SESTD1: variants seen among roughly 807,000 people sequenced by gnomAD.
SESTD1 encodes SEC14 domain and spectrin repeat-containing protein 1.
SESTD1 carries 43 observed loss-of-function variants against 101.7 expected under a neutral mutation model. That is an observed-to-expected ratio of 0.42 (90% CI 0.33 to 0.55). SESTD1 has a LOEUF of 0.55. Among genes scored for constraint, SESTD1 ranks in the 20% least tolerant of loss-of-function variants. The probability of loss-of-function intolerance (pLI) is 0.07; values close to 1 mark genes in which losing one functional copy is unlikely to be tolerated. For synonymous variants in SESTD1, 283 were observed against 286.8 expected, an observed-to-expected ratio of 0.99 and a Z score of 0.13; for missense variants, 647 against 815.1, an observed-to-expected ratio of 0.79 and a Z score of 2.51.
intron 9 of SESTD1, among the ~76,000 whole-genome samples, chr2:179,132,801 A>G (rs1562328): frequency 0.082 from 12,427 of 152,224 alleles, 1,702 homozygotes; most frequent in African/African-American, 0.28. Context: ...AAAGTTCTTA[A>G]CTAACATTTA....
chr2:179,112,967 A>C, intron 16 of SESTD1, 122 bp from the exon 17 acceptor site: 297 of 1,321,846 alleles, frequency 2.2e-4, no homozygotes, highest in Non-Finnish European at 2.8e-4. Context: ...AATCAAGCTC[A>C]TACAAATTTG....
chr2:179,244,230 G>A (rs2047196970), intron 1 of SESTD1, among the ~76,000 whole-genome samples: 1 of 152,090 alleles, frequency 6.6e-6, no homozygotes, highest in Non-Finnish European at 1.5e-5. Context: ...GCCAAGGCAG[G>A]TGAATTGCTT....
intron 5 of SESTD1, among the ~76,000 whole-genome samples, chr2:179,159,323 T>A (rs1450754547): frequency 6.6e-6 from 1 of 152,170 alleles, no homozygotes; most frequent in African/African-American, 2.4e-5. Context: ...AGACAACTGC[T>A]TCCCAGAGGA....
intron 13 of SESTD1, among the ~76,000 whole-genome samples, chr2:179,120,578 TGAAATC>T (rs1170158426): frequency 2.0e-5 from 3 of 152,142 alleles, no homozygotes; most frequent in African/African-American, 7.2e-5. Flanking sequence ...TCAAGAAAGA[TGAAATC>T]GAAAAGTCAG....
Position 179,260,335 on chromosome 2 carries a change from G to C in SESTD1, c.-26+4164C>G, listed in dbSNP as rs778129537. On this transcript the variant is annotated intron_variant, in intron 1 of 17. Coordinates refer to ENST00000428443, the MANE Select transcript of SESTD1 (RefSeq NM_178123.5). ...GTTTGAGACCAGCCTTGGCAACATT[G>C]AGAAACTTCATCTCTACAAAAAATG... is the stretch of plus-strand genomic sequence containing the variant. Among the ~76,000 whole-genome samples, 40 of 152,260 alleles carry C rather than the reference G, an allele frequency of 2.6e-4. 1 individual carries two copies. Among genetic ancestry groups the C allele is most frequent in the Middle Eastern group, 3.4e-3 (1 of 294 alleles).
chr2:179,155,223 CTT>C (rs1052645437), intron 5 of SESTD1, among the ~76,000 whole-genome samples: 1 of 151,974 alleles, frequency 6.6e-6, no homozygotes, highest in Non-Finnish European at 1.5e-5. Flanking sequence ...GCCCACAACT[CTT>C]TTTTTGGGAT....
intron 1 of SESTD1, among the ~76,000 whole-genome samples, chr2:179,205,690 G>A (rs1468264002): frequency 7.4e-6 from 1 of 135,132 alleles, no homozygotes; most frequent in Non-Finnish European, 1.6e-5. Flanking sequence ...ACTTGAAAGT[G>A]ATAAAAATGC....
At chr2:179,190,109 A>C (rs766535352) in intron 2 of SESTD1, among the ~76,000 whole-genome samples, 29 of 152,176 alleles carry the variant, frequency 1.9e-4, no homozygotes, top group Admixed American at 1.3e-4. Context: ...TCTAAGCAAA[A>C]AGAAAAAATC....
chr2:179,138,217 C>T (rs947335792), intron 9 of SESTD1, among the ~76,000 whole-genome samples: 2 of 152,158 alleles, frequency 1.3e-5, no homozygotes, highest in African/African-American at 4.8e-5. Context: ...TTCTTCCTTA[C>T]CCAGTTGAGC....
intron 1 of SESTD1, among the ~76,000 whole-genome samples, chr2:179,259,719 T>G (rs1417395770): frequency 6.6e-6 from 1 of 152,176 alleles, no homozygotes; most frequent in Non-Finnish European, 1.5e-5. Flanking sequence ...CTGTTGGGTA[T>G]TCACTACATG....
Position 179,191,788 on chromosome 2 carries a change from T to G in SESTD1, c.54A>C (p.Ser18=). Residue 18 remains serine, a splice_region_variant and synonymous_variant, in exon 2 of 18, where the codon TCA becomes TCC. Coordinates refer to ENST00000428443, the MANE Select transcript of SESTD1 (RefSeq NM_178123.5). ...TCAAATTTTAAGAAGAAATCATACCTGAAAGGAAGGCTAGTTTTTTCTTCA... is the reference window on the plus strand; with the variant it reads ...TCAAATTTTAAGAAGAAATCATACCGGAAAGGAAGGCTAGTTTTTTCTTCA... ...PILKKKLAFL[S]GGKDRRSGLI... is the part of the protein sequence containing the mutation. 2 of 1,611,910 alleles carry G rather than the reference T, an allele frequency of 1.2e-6. No individual in the cohort carries two copies. The highest frequency in any genetic ancestry group is 1.7e-6 in the Non-Finnish European group (2 of 1,178,718).
At chr2:179,179,683 T>C (rs2046074128) in intron 3 of SESTD1, among the ~76,000 whole-genome samples, 1 of 152,218 alleles carries the variant, frequency 6.6e-6, no homozygotes, top group African/African-American at 2.4e-5. Context: ...GCTTTAAATA[T>C]GGAGTGCCTT....
Position 179,191,966 on chromosome 2 carries a change from T to C in SESTD1, c.-25-100A>G, listed in dbSNP as rs573301615. 1.7e-5 allele frequency: 13 copies of C among 784,772 alleles called. No individual in the cohort carries two copies. The South Asian group carries it at 2.1e-4, about 13-fold the overall frequency. The allele number at this position is 784,772 out of a possible 1,614,324, so 48.6% of individuals were successfully genotyped here. Reference sequence around the variant, plus strand: ...TCCCAGAGTTTCTAAACCTGAGAACTACTGACATTTTGAGCAAGATAATTC... The same window carrying C: ...TCCCAGAGTTTCTAAACCTGAGAACCACTGACATTTTGAGCAAGATAATTC... On this transcript the variant is annotated intron_variant, in intron 1 of 17. Transcript: ENST00000428443.
At chr2:179,140,282 A>T (rs2045247488) in intron 9 of SESTD1, among the ~76,000 whole-genome samples, 1 of 152,162 alleles carries the variant, frequency 6.6e-6, no homozygotes, top group African/African-American at 2.4e-5. Context: ...TTCTAACAAT[A>T]TTTATTAGGA....
At chr2:179,117,448 T>C in intron 14 of SESTD1, 84 bp downstream of exon 14, 2 of 1,264,608 alleles carry the variant, frequency 1.6e-6, no homozygotes, top group East Asian at 2.7e-5. Flanking sequence ...TTTAGGACCA[T>C]GAAAAGTACA....
Position 179,200,857 on chromosome 2 carries a change from C to T in SESTD1, c.-25-8991G>A, listed in dbSNP as rs1559141871. ...TAGGCATTACCATTCAGGACATAGG[C>T]ATGGGCAAGGACTTCATGTCTAAAA... is the stretch of plus-strand genomic sequence containing the variant. On this transcript the variant is annotated intron_variant, in intron 1 of 17. Transcript: ENST00000428443. Among the ~76,000 whole-genome samples, 2 of 134,094 alleles carry T rather than the reference C, an allele frequency of 1.5e-5. 1 individual carries two copies. The highest frequency in any genetic ancestry group is 1.4e-4 in the Admixed American group (2 of 13,864). 88.0% of individuals were successfully genotyped at this position (134,094 alleles called of 152,430 possible).
chr2:179,184,581 A>G (rs535279062), intron 2 of SESTD1, among the ~76,000 whole-genome samples: 2 of 152,288 alleles, frequency 1.3e-5, no homozygotes, highest in Admixed American at 6.5e-5. Flanking sequence ...ATGGATTAAC[A>G]CAAGTGGTTT....
At chr2:179,193,166 T>TG (rs1425523316) in intron 1 of SESTD1, among the ~76,000 whole-genome samples, 1 of 152,100 alleles carries the variant, frequency 6.6e-6, no homozygotes, top group African/African-American at 2.4e-5. Context: ...AAAAAAAAGA[T>TG]GGAGTTGTAA....
At chr2:179,200,653 G>C (rs10211583) in intron 1 of SESTD1, among the ~76,000 whole-genome samples, 40,163 of 145,252 alleles carry the variant, frequency 0.28, 6,059 homozygotes, top group South Asian at 0.41. Flanking sequence ...ACAAACCTGA[G>C]AAAAACAAGA....
Sources: gnomAD v4.1 joint callset for allele counts (sites outside exome capture counted in the v4.1 genomes callset) on GRCh38, gnomAD v4.1.1 for gene constraint, MANE v1.5 for transcripts, NCBI Gene and HGNC (gene_info 2026-07-23, HGNC 2026-07-21) for gene names.